LAIR1: variants seen among roughly 807,000 people sequenced by gnomAD.
LAIR1 encodes leukocyte-associated immunoglobulin-like receptor 1.
A neutral mutation model predicts 32.8 loss-of-function variants in LAIR1; 24 were observed. That is an observed-to-expected ratio of 0.73 (90% CI 0.53 to 1.03). LAIR1 has a LOEUF of 1.03. Among genes scored for constraint, LAIR1 ranks in the 50% least tolerant of loss-of-function variants. LAIR1 has a pLI of 0.00. For missense variants in LAIR1, 355 were observed against 347.5 expected (o/e 1.02, Z -0.17); for synonymous variants, 150 against 140.5 (o/e 1.07, Z -0.48).
chr19:54,355,822 G>A lies in LAIR1; in HGVS notation c.717+132C>T, dbSNP rs775377236. The A allele has an allele frequency of 2.6e-5, 18 of 689,538 alleles. 1 individual carries two copies. Among genetic ancestry groups the A allele is most frequent in the Middle Eastern group, 2.7e-4 (1 of 3,684 alleles). 42.7% of individuals were successfully genotyped at this position (689,538 alleles called of 1,614,324 possible). A position where few individuals can be genotyped will look rare whatever the true frequency, so the allele number is the denominator to read the frequency against. On this transcript the variant is annotated intron_variant, in intron 9 of 9. Coordinates refer to ENST00000391742, the MANE Select transcript of LAIR1 (RefSeq NM_002287.6). The surrounding 1 kb of genome is among the most constrained non-coding windows in gnomAD (Gnocchi z 4.7). The stretch of plus-strand genomic sequence containing the variant: ...TGCACACAGCCCTGGGCGACCTCTC[G>A]ACAGCAACCTCAGGACAGGCCGTGA...
In LAIR1 at chr19:54,353,362, C is replaced by A. The variant is rs963257714; in HGVS notation, c.*1906G>T. The A allele has an allele frequency of 6.6e-6, 1 of 152,176 alleles. No homozygotes were observed. The highest frequency in any genetic ancestry group is 1.5e-5 in the Non-Finnish European group (1 of 68,056). 9.4% of individuals were successfully genotyped at this position (152,176 alleles called of 1,614,324 possible). ...AAGCAGATCCCAGGAGGAAATTAAA[C>A]CTGAGCACAAATAGAAAATTAAAGC... On this transcript the variant is annotated 3_prime_UTR_variant, in exon 10 of 10. Transcript: ENST00000391742.
At chr19:54,375,480 T>A (rs368928907), upstream of LAIR1, among the ~76,000 whole-genome samples, 2 of 152,096 alleles carry the variant, frequency 1.3e-5, no homozygotes, top group African/African-American at 4.8e-5. Flanking sequence ...GTGACTGGGG[T>A]AAAGGAGAGA....
In LAIR1 at chr19:54,364,315, T is replaced by C; in HGVS notation, c.50A>G (p.Gln17Arg). The change falls in exon 2 of 10, where the codon CAG becomes CGG. Residue 17 changes from glutamine (Q) to arginine (R), a missense_variant. Physicochemically the swap from Gln to Arg is conservative, Grantham distance 43. Coordinates refer to ENST00000391742, the MANE Select transcript of LAIR1 (RefSeq NM_002287.6). This position sits in a 1 kb window ranked among gnomAD's most constrained non-coding sequence, Gnocchi z 4.8. ...CTTACCCTCCTGCGTGTGGATGGTC[T>C]GGGCCAGGCAGAGCACTGGAAGAGA... ...ALLGLVLCLA[Q>R]TIHTQEEDLP... 1 of 1,613,852 alleles carries C rather than the reference T, an allele frequency of 6.2e-7. No individual in the cohort carries two copies.
At chr19:54,367,574 G>A (rs1279836403), upstream of LAIR1, among the ~76,000 whole-genome samples, 10 of 151,106 alleles carry the variant, frequency 6.6e-5, no homozygotes, top group South Asian at 6.3e-4. Flanking sequence ...GTGAAACCCC[G>A]TCTCTACTAA....
In LAIR1 at chr19:54,361,182, G is replaced by A. The variant is rs143753958; in HGVS notation, c.98C>T (p.Ala33Val). Residue 33 changes from alanine (A) to valine (V), a missense_variant, in exon 3 of 10, where the codon GCT (alanine) becomes GTT (valine). Ala to Val is a moderately conservative substitution (Grantham distance 64). Transcript: ENST00000391742. ...CAGGGGGATCACGGTGCCTGGCTCAGCCGAGATGGAGGGTCTGGGCAGATC... is the reference window on the plus strand; with the variant it reads ...CAGGGGGATCACGGTGCCTGGCTCAACCGAGATGGAGGGTCTGGGCAGATC... ...EEDLPRPSIS[A>V]EPGTVIPLGS... The A allele has an allele frequency of 1.6e-4, 257 of 1,614,224 alleles. 2 individuals carry two copies. The Middle Eastern group carries it at 5.6e-3, about 35-fold the overall frequency.
rs545845090 is a variant in LAIR1 at position 54,355,745 on chromosome 19, G to A, written c.717+209C>T. On this transcript the variant is annotated intron_variant, in intron 9 of 9. Transcript: ENST00000391742. The surrounding 1 kb of genome is among the most constrained non-coding windows in gnomAD (Gnocchi z 4.7). ...GAACAGAGGTTTCCTGCCCACAGCC[G>A]GGGAAGTGAGCGTCTTGGACGTGGA... Among the ~76,000 whole-genome samples, 1 of 152,246 alleles carries A rather than the reference G, an allele frequency of 6.6e-6. No homozygotes were observed. Among genetic ancestry groups the A allele is most frequent in the East Asian group, 1.9e-4 (1 of 5,178 alleles).
At chr19:54,358,299 C>T (rs2081830253) in intron 4 of LAIR1, 1 of 149,760 alleles carries the variant, frequency 6.7e-6, no homozygotes, top group South Asian at 2.1e-4. Context: ...GTAAATATAT[C>T]TTTCATATAA....
chr19:54,355,982 G>A lies in LAIR1; in HGVS notation c.689C>T (p.Pro230Leu). ...TADKATVNGL[P>L]EKDRETDTSA... ...GGTGTCCGTCTCTCTGTCCTTCTCA[G>A]GAAGTCCATTGACTGTGGCCTTGTC... The change falls in exon 9 of 10, where the codon CCT (proline) becomes CTT (leucine). Residue 230 changes from proline to leucine, a missense_variant. Transcript: ENST00000391742. The surrounding 1 kb of genome is among the most constrained non-coding windows in gnomAD (Gnocchi z 4.7). 1 of 1,609,994 alleles carries A rather than the reference G, an allele frequency of 6.2e-7. No individual in the cohort carries two copies. The highest frequency in any genetic ancestry group is 8.5e-7 in the Non-Finnish European group (1 of 1,176,178).
chr19:54,372,076 G>A (rs1351327907), upstream of LAIR1, among the ~76,000 whole-genome samples: 2 of 151,644 alleles, frequency 1.3e-5, 1 homozygote, highest in African/African-American at 4.9e-5. Context: ...AAGTTTGGGC[G>A]ATTATGAATA....
chr19:54,369,757 G>T (rs1277348171), upstream of LAIR1, among the ~76,000 whole-genome samples: 2 of 151,582 alleles, frequency 1.3e-5, no homozygotes, highest in Non-Finnish European at 2.9e-5. Flanking sequence ...CAAGTGGAAA[G>T]ACAACATCTA....
At chr19:54,372,364 T>G (rs2122667840), upstream of LAIR1, among the ~76,000 whole-genome samples, 1 of 151,464 alleles carries the variant, frequency 6.6e-6, no homozygotes, top group South Asian at 2.1e-4. Context: ...GTTCCTAAGA[T>G]ACTGATAGAG....
chr19:54,355,954 C>CGATGCCCA lies in LAIR1; in HGVS notation c.716_717insTGGGCATC (p.Ala240GlyfsTer13). 1 of 1,594,232 alleles carries CGATGCCCA rather than the reference C, an allele frequency of 6.3e-7. No homozygotes were observed. The highest frequency in any genetic ancestry group is 8.6e-7 in the Non-Finnish European group (1 of 1,161,618). On this transcript the variant is annotated frameshift_variant and splice_region_variant, in exon 9 of 10. Transcript: ENST00000391742. LOFTEE classifies it low-confidence loss of function (END_TRUNC). This position sits in a 1 kb window ranked among gnomAD's most constrained non-coding sequence, Gnocchi z 4.7. ...TTTAATAACTAGTAGGAAGGCTCAC[C>CGATGCCCA]GAGGTGTCCGTCTCTCTGTCCTTCT...
At chr19:54,369,245 G>A (rs147537142), upstream of LAIR1, among the ~76,000 whole-genome samples, 895 of 151,414 alleles carry the variant, frequency 5.9e-3, 13 homozygotes, top group Admixed American at 0.024. Context: ...CAGGGGCACC[G>A]TCCTGCATTT....
upstream of LAIR1, among the ~76,000 whole-genome samples, chr19:54,367,863 C>T (rs1473517210): frequency 2.0e-5 from 3 of 146,358 alleles, no homozygotes; most frequent in African/African-American, 5.1e-5. Flanking sequence ...AGCTCCGCTT[C>T]CCGGGTTCAC....
intron 2 of LAIR1, among the ~76,000 whole-genome samples, chr19:54,362,856 G>A (rs1021199024): frequency 5.3e-5 from 8 of 151,904 alleles, no homozygotes; most frequent in Middle Eastern, 3.2e-3. Flanking sequence ...CATATTGAGC[G>A]GCATATGGAG....
rs1194682809 is a variant in LAIR1, at chr19:54,364,765, A to G, written c.34+6T>C. The G allele has an allele frequency of 2.5e-6, 4 of 1,612,608 alleles. No homozygotes were observed. Among genetic ancestry groups the G allele is most frequent in the Non-Finnish European group, 3.4e-6 (4 of 1,178,824 alleles). ...TTCCAGCCTCCCGGCTGCCTCCAGG[A>G]CTCACCTAGGCCCAGGAGGGCGGTG... On this transcript the variant is annotated splice_donor_region_variant and intron_variant, in intron 1 of 9. Coordinates refer to ENST00000391742, the MANE Select transcript of LAIR1 (RefSeq NM_002287.6). The surrounding 1 kb of genome is among the most constrained non-coding windows in gnomAD (Gnocchi z 4.8).
upstream of LAIR1, among the ~76,000 whole-genome samples, chr19:54,372,133 G>A (rs533001086): frequency 1.4e-4 from 21 of 151,684 alleles, no homozygotes; most frequent in South Asian, 2.1e-4. Flanking sequence ...AGCTCCCTTC[G>A]GTAAATATCA....
At chr19:54,361,269 C>T (rs536094567) in intron 2 of LAIR1, 60 bp from the exon 3 acceptor site, 17 of 1,553,256 alleles carry the variant, frequency 1.1e-5, no homozygotes, top group East Asian at 9.0e-5. Flanking sequence ...ATGCCACACA[C>T]GTCATTTTAG....
rs118046758 is a variant in LAIR1 at position 54,364,797 on chromosome 19, G to A, written c.8C>T (p.Pro3Leu). The change falls in exon 1 of 10, where the codon CCC (proline) becomes CTC (leucine). Residue 3 changes from proline (P) to leucine (L), a missense_variant. Pro to Leu is a moderately conservative substitution (Grantham distance 98, BLOSUM62 -3). Coordinates refer to ENST00000391742, the MANE Select transcript of LAIR1 (RefSeq NM_002287.6). This position sits in a 1 kb window ranked among gnomAD's most constrained non-coding sequence, Gnocchi z 4.8. ...TAGGCCCAGGAGGGCGGTGGGGTGG[G>A]GAGACATGGCCCAGGTCCCAGCAGT... MS[P>L]HPTALLGLVL... is the part of the protein sequence containing the mutation. 29,120 of 1,614,040 alleles carry A rather than the reference G, an allele frequency of 0.018. 317 individuals are homozygous for A. The highest frequency in any genetic ancestry group is 0.021 in the Non-Finnish European group (25,242 of 1,179,928).
Sources: allele counts gnomAD v4.1 joint callset (sites outside exome capture counted in the v4.1 genomes callset), GRCh38; gene constraint gnomAD v4.1.1; non-coding constraint Gnocchi (gnomAD v3.1); transcripts MANE v1.5; gene names NCBI Gene and HGNC (gene_info 2026-07-23, HGNC 2026-07-21).